The following CTNND2 variants were observed in gnomAD, a reference collection of about 807,000 sequenced individuals.
The protein encoded by CTNND2 is catenin delta 2, also known as catenin delta-2.
CTNND2 carries 22 observed loss-of-function variants against 144.4 expected under a neutral mutation model. The ratio of observed to expected loss-of-function variants is 0.15; its 90% confidence interval spans 0.11 to 0.22. The LOEUF (loss-of-function observed/expected upper bound fraction) is 0.22. CTNND2 is among the 10% of genes least tolerant of loss of function. CTNND2 has a pLI of 1.00. For missense variants in CTNND2, 1,353 were observed against 1,618.8 expected, an observed-to-expected ratio of 0.84 and a Z score of 2.82; for synonymous variants, 751 against 695.6, an observed-to-expected ratio of 1.08 and a Z score of -1.25.
At chr5:11,522,400 G>A (rs1237435118) in intron 3 of CTNND2, among the ~76,000 whole-genome samples, 1 of 152,134 alleles carries the variant, frequency 6.6e-6, no homozygotes, top group Non-Finnish European at 1.5e-5. Flanking sequence ...CCTTCCAGCT[G>A]TAAAACCCTA....
At chr5:11,252,562 T>C (rs1000332551) in intron 9 of CTNND2, among the ~76,000 whole-genome samples, 2 of 152,242 alleles carry the variant, frequency 1.3e-5, no homozygotes, top group East Asian at 3.8e-4. Context: ...ACTGCTCTTA[T>C]GCCTTCCTCA....
At chr5:11,287,710 C>T (rs1668008986) in intron 9 of CTNND2, among the ~76,000 whole-genome samples, 1 of 152,192 alleles carries the variant, frequency 6.6e-6, no homozygotes, top group South Asian at 2.1e-4. Context: ...GTGCAGGGGA[C>T]AGGCTTAGAC....
intron 2 of CTNND2, among the ~76,000 whole-genome samples, chr5:11,593,429 A>G (rs546208688): frequency 6.6e-6 from 1 of 152,314 alleles, no homozygotes; most frequent in African/African-American, 2.4e-5. Flanking sequence ...CACATGACCC[A>G]TGTGGCCAAT....
intron 3 of CTNND2, among the ~76,000 whole-genome samples, chr5:11,417,221 A>G (rs1314907041): frequency 6.6e-6 from 1 of 152,330 alleles, no homozygotes; most frequent in East Asian, 1.9e-4. Context: ...GAGGTCCCTC[A>G]GCCAGTTAGT....
intron 2 of CTNND2, among the ~76,000 whole-genome samples, chr5:11,641,165 A>C (rs1781979195): frequency 6.6e-6 from 1 of 152,112 alleles, no homozygotes; most frequent in Non-Finnish European, 1.5e-5. Flanking sequence ...TACATGTGAA[A>C]TTGTTAAATA....
rs1456101756 is a variant in CTNND2 at position 11,478,508 on chromosome 5, A to G, written c.288-66439T>C. On this transcript the variant is annotated intron_variant, in intron 3 of 21. Coordinates refer to ENST00000304623, the MANE Select transcript of CTNND2 (RefSeq NM_001332.4). Reference sequence around the variant, plus strand: ...CAGCCTTTTAAGCACCGTGTCTTCAAAGCACTTTGTCAAAACACATCATAC... The same window carrying G: ...CAGCCTTTTAAGCACCGTGTCTTCAGAGCACTTTGTCAAAACACATCATAC... Among the ~76,000 whole-genome samples, 4 of 152,202 alleles carry G rather than the reference A, an allele frequency of 2.6e-5. No homozygotes were observed. In the East Asian group the frequency reaches 5.8e-4, roughly 22 times the overall value.
chr5:11,094,381 T>C (rs980653478), intron 15 of CTNND2, among the ~76,000 whole-genome samples: 7 of 152,160 alleles, frequency 4.6e-5, no homozygotes, highest in African/African-American at 1.7e-4. Context: ...TGCATTCTTA[T>C]ATTCAGTTTT....
intron 2 of CTNND2, among the ~76,000 whole-genome samples, chr5:11,659,547 C>A (rs2126562368): frequency 6.6e-6 from 1 of 152,176 alleles, no homozygotes; most frequent in East Asian, 1.9e-4. Flanking sequence ...TAGAGCTGAT[C>A]CATGGCTCTA....
chr5:11,774,759 T>C (rs1397961366), intron 1 of CTNND2, among the ~76,000 whole-genome samples: 1 of 152,098 alleles, frequency 6.6e-6, no homozygotes, highest in Admixed American at 6.6e-5. Context: ...TTAGTACGAT[T>C]TTCTTCAAGG....
chr5:11,098,789 T>A, intron 14 of CTNND2, 41 bp from the exon 15 acceptor site: 1 of 1,592,866 alleles, frequency 6.3e-7, no homozygotes, highest in Non-Finnish European at 8.6e-7. Context: ...CTTTAACATC[T>A]TTATGCTTCC....
chr5:11,640,548 T>C (rs887832257), intron 2 of CTNND2, among the ~76,000 whole-genome samples: 7 of 152,212 alleles, frequency 4.6e-5, no homozygotes, highest in Admixed American at 1.3e-4. Context: ...TTTGTAAGTA[T>C]GATTAATTAG....
At chr5:11,207,706 T>G (rs541194883) in intron 10 of CTNND2, among the ~76,000 whole-genome samples, 2 of 152,232 alleles carry the variant, frequency 1.3e-5, no homozygotes, top group Non-Finnish European at 1.5e-5. Flanking sequence ...TGTTATTGGC[T>G]TTAGCTTTGT....
chr5:11,723,177 G>C (rs1365068320), intron 2 of CTNND2, among the ~76,000 whole-genome samples: 1 of 151,986 alleles, frequency 6.6e-6, no homozygotes, highest in Non-Finnish European at 1.5e-5. Context: ...TTTTTTATGT[G>C]TAAAGTTGCT....
intron 5 of CTNND2, among the ~76,000 whole-genome samples, chr5:11,404,909 C>T (rs1279478214): frequency 6.7e-6 from 1 of 150,040 alleles, no homozygotes; most frequent in Non-Finnish European, 1.5e-5. Context: ...TGTGCCTGGC[C>T]AATATTCATA....
rs66818629 is a variant in CTNND2, at chr5:11,447,000, T to TAC, written c.288-34933_288-34932dup. ...ACCTCAGTCCTCAATGGCTCTAACA[T>TAC]ACACACACACACACATACATATCTC... On this transcript the variant is annotated intron_variant, in intron 3 of 21. Transcript: ENST00000304623. Among the ~76,000 whole-genome samples the TAC allele has an allele frequency of 7.3e-3, 1,103 of 151,272 alleles. 19 individuals are homozygous for TAC. Among genetic ancestry groups the TAC allele is most frequent in the African/African-American group, 0.023 (963 of 41,248 alleles).
chr5:11,382,474 C>T (rs1019118242), intron 7 of CTNND2, among the ~76,000 whole-genome samples: 1 of 152,064 alleles, frequency 6.6e-6, no homozygotes, highest in Non-Finnish European at 1.5e-5. Context: ...GGGCAGGTGA[C>T]TGTAATCCCA....
chr5:11,064,926 G>A (rs1747397910), intron 16 of CTNND2, among the ~76,000 whole-genome samples: 1 of 152,202 alleles, frequency 6.6e-6, no homozygotes, highest in African/African-American at 2.4e-5. Flanking sequence ...CAAGCTGGTC[G>A]CTCAGCTTCC....
intron 9 of CTNND2, among the ~76,000 whole-genome samples, chr5:11,283,454 T>A (rs567247977): frequency 1.3e-5 from 2 of 151,658 alleles, no homozygotes; most frequent in South Asian, 4.2e-4. Flanking sequence ...GGCGGGCAGA[T>A]CATGAAGTCA....
intron 3 of CTNND2, among the ~76,000 whole-genome samples, chr5:11,554,755 G>A (rs1224534472): frequency 1.3e-5 from 2 of 151,828 alleles, no homozygotes; most frequent in South Asian, 2.1e-4. Context: ...TTCCACATTC[G>A]GAGGACATCA....
Sources: allele counts gnomAD v4.1 joint callset (sites outside exome capture counted in the v4.1 genomes callset), GRCh38; gene constraint gnomAD v4.1.1; transcripts MANE v1.5; gene names NCBI Gene and HGNC (gene_info 2026-07-23, HGNC 2026-07-21).